Variants in GABRB3 observed in about 807,000 individuals in gnomAD.
The protein encoded by GABRB3 is gamma-aminobutyric acid receptor subunit beta-3.
A neutral mutation model predicts 52.1 loss-of-function variants in GABRB3; 14 were observed. The ratio of observed to expected loss-of-function variants is 0.27; its 90% CI spans 0.18 to 0.42. The LOEUF (loss-of-function observed/expected upper bound fraction) is 0.42. GABRB3 is among the 10% of genes least tolerant of loss of function. The pLI is 1.00. For synonymous variants in GABRB3, 260 were observed against 232.3 expected (o/e 1.12, Z -1.08); for missense variants, 307 against 609.1 (o/e 0.50, Z 5.22).
chr15:26,580,318 C>A lies in GABRB3; in HGVS notation c.682+1G>T. 6.2e-7 allele frequency: 1 copy of A among 1,614,126 alleles called. No individual in the cohort carries two copies. Among genetic ancestry groups the A allele is most frequent in the Non-Finnish European group, 8.5e-7 (1 of 1,180,022 alleles). ...GGACTATAAGTGGATGCAGGACTCA[C>A]CTGTGGCGAAGACAACATTCCTCGA... On this transcript the variant is annotated splice_donor_variant, in intron 6 of 8. Transcript: ENST00000311550. LOFTEE classifies it high-confidence loss of function.
At chr15:26,698,496 G>A (rs1289756430) in intron 3 of GABRB3, among the ~76,000 whole-genome samples, 1 of 152,012 alleles carries the variant, frequency 6.6e-6, no homozygotes, top group Non-Finnish European at 1.5e-5. Flanking sequence ...ACAACATTGT[G>A]ACAAGGGACC....
intron 3 of GABRB3, among the ~76,000 whole-genome samples, chr15:26,710,121 A>G (rs956168413): frequency 1.3e-5 from 2 of 152,098 alleles, no homozygotes; most frequent in Non-Finnish European, 2.9e-5. Flanking sequence ...CCTTCTCTTT[A>G]TTGCCAAATA....
chr15:26,739,104 G>C (rs141106251), intron 3 of GABRB3, among the ~76,000 whole-genome samples: 14 of 152,224 alleles, frequency 9.2e-5, no homozygotes, highest in African/African-American at 3.4e-4. Context: ...GCTCATCACT[G>C]CCTGGTGCTG....
At chr15:26,692,544 C>T (rs947907618) in intron 3 of GABRB3, among the ~76,000 whole-genome samples, 12 of 152,156 alleles carry the variant, frequency 7.9e-5, no homozygotes, top group South Asian at 6.2e-4. Context: ...AGTATTTTGA[C>T]TCTAGCTTGG....
At chr15:26,591,103 A>G (rs1891186809) in intron 4 of GABRB3, among the ~76,000 whole-genome samples, 1 of 152,180 alleles carries the variant, frequency 6.6e-6, no homozygotes, top group South Asian at 2.1e-4. Flanking sequence ...TGGGTCTCCC[A>G]TACCCAGCCT....
chr15:26,690,408 G>C (rs1003544960), intron 3 of GABRB3, among the ~76,000 whole-genome samples: 5 of 152,072 alleles, frequency 3.3e-5, no homozygotes, highest in Admixed American at 1.3e-4. Flanking sequence ...CAGTTACAAA[G>C]ACTTGGGGAC....
chr15:26,739,001 T>C (rs567127917), intron 3 of GABRB3, among the ~76,000 whole-genome samples: 31 of 152,322 alleles, frequency 2.0e-4, no homozygotes, highest in Non-Finnish European at 3.7e-4. Flanking sequence ...ATATGTCTAA[T>C]TTAATTCCAA....
chr15:26,691,973 G>C (rs1888603123), intron 3 of GABRB3, among the ~76,000 whole-genome samples: 1 of 152,184 alleles, frequency 6.6e-6, no homozygotes, highest in East Asian at 1.9e-4. Flanking sequence ...AGGGTCATGT[G>C]TTGGTTCAAG....
chr15:26,710,513 T>C (rs1228553923), intron 3 of GABRB3, among the ~76,000 whole-genome samples: 2 of 152,172 alleles, frequency 1.3e-5, no homozygotes, highest in African/African-American at 2.4e-5. Flanking sequence ...CCTCCCACCT[T>C]GGCCTCCCAA....
At chr15:26,574,501 G>T (rs1890521759) in intron 6 of GABRB3, among the ~76,000 whole-genome samples, 2 of 152,116 alleles carry the variant, frequency 1.3e-5, no homozygotes, top group Non-Finnish European at 2.9e-5. Context: ...AGCCCAAAGG[G>T]AAGACAAGCC....
chr15:26,629,221 C>A, intron 3 of GABRB3: 6 of 1,425,926 alleles, frequency 4.2e-6, no homozygotes, highest in Non-Finnish European at 5.5e-6. Flanking sequence ...AGGGGCGGGG[C>A]CTGGAAAGGA....
intron 3 of GABRB3, among the ~76,000 whole-genome samples, chr15:26,736,288 A>T (rs932448458): frequency 6.6e-6 from 1 of 152,236 alleles, no homozygotes; most frequent in South Asian, 2.1e-4. Flanking sequence ...AGCTACTTAC[A>T]TAAGGCACTA....
intron 3 of GABRB3, among the ~76,000 whole-genome samples, chr15:26,685,497 A>G (rs759738565): frequency 1.6e-4 from 25 of 152,200 alleles, no homozygotes; most frequent in Non-Finnish European, 3.7e-4. Flanking sequence ...TACTTCACCA[A>G]GCATTTGTGT....
chr15:26,554,041 T>TTC (rs1567096776), intron 8 of GABRB3, among the ~76,000 whole-genome samples: 1 of 62,104 alleles, frequency 1.6e-5, no homozygotes, highest in Non-Finnish European at 3.2e-5. Flanking sequence ...ATATATTTAT[T>TTC]TATTTATATT....
At chr15:26,622,354 AC>A (rs1004285253) in intron 3 of GABRB3, among the ~76,000 whole-genome samples, 28 of 149,574 alleles carry the variant, frequency 1.9e-4, no homozygotes, top group Admixed American at 4.0e-4. Flanking sequence ...ACATGGCAGA[AC>A]AAAAGAAATT....
rs145206188 is a variant in GABRB3 at position 26,601,170 on chromosome 15, G to T, written c.462-17756C>A. ...CAGGTGCAGTGGCTCACAACTGTAA[G>T]CCCAGCACTTTGGGAGGCCGAGGCG... On this transcript the variant is annotated intron_variant, in intron 4 of 8. Coordinates refer to ENST00000311550, the MANE Select transcript of GABRB3 (RefSeq NM_000814.6). Among the ~76,000 whole-genome samples, 297 of 152,112 alleles carry T rather than the reference G, an allele frequency of 2.0e-3. 6 individuals are homozygous for T. In the East Asian group the frequency reaches 0.036, roughly 19 times the overall value.
intron 3 of GABRB3, among the ~76,000 whole-genome samples, chr15:26,638,306 C>T (rs1406603751): frequency 6.6e-6 from 1 of 152,138 alleles, no homozygotes; most frequent in Non-Finnish European, 1.5e-5. Context: ...TGCCTGTCTG[C>T]CCAGTCTCTG....
chr15:26,714,888 G>A (rs1475353531), intron 3 of GABRB3, among the ~76,000 whole-genome samples: 1 of 152,174 alleles, frequency 6.6e-6, no homozygotes, highest in East Asian at 1.9e-4. Flanking sequence ...TCTGTAGTCT[G>A]TGGAGAACAC....
chr15:26,662,434 T>C (rs755221532), intron 3 of GABRB3, among the ~76,000 whole-genome samples: 2 of 152,166 alleles, frequency 1.3e-5, no homozygotes, highest in Non-Finnish European at 2.9e-5. Context: ...TGGATTACGC[T>C]GCCCAGTTCA....
Sources: allele counts gnomAD v4.1 joint callset (sites outside exome capture counted in the v4.1 genomes callset), GRCh38; gene constraint gnomAD v4.1.1; transcripts MANE v1.5; gene names NCBI Gene and HGNC (gene_info 2026-07-23, HGNC 2026-07-21).